The following COX7B2 variants were observed in gnomAD, a reference collection of about 807,000 sequenced individuals.
The protein encoded by COX7B2 is cytochrome c oxidase subunit 7B2, mitochondrial.
For missense variants in COX7B2, 109 were observed against 95.9 expected (o/e 1.14, Z -0.57); for synonymous variants, 37 against 32.1 (o/e 1.15, Z -0.51).
At chr4:46,866,178 G>A (rs1306624556) in intron 1 of COX7B2, among the ~76,000 whole-genome samples, 1 of 152,196 alleles carries the variant, frequency 6.6e-6, no homozygotes, top group Non-Finnish European at 1.5e-5. Flanking sequence ...GCCAATACAT[G>A]CAAAGAAAAA....
intron 2 of COX7B2, among the ~76,000 whole-genome samples, chr4:46,836,682 T>C (rs1398125165): frequency 6.6e-6 from 1 of 152,114 alleles, no homozygotes; most frequent in African/African-American, 2.4e-5. Context: ...TATTTGGTAT[T>C]AAGTATAATG....
At chr4:46,780,009 C>T (rs1577695835) in intron 2 of COX7B2, among the ~76,000 whole-genome samples, 1 of 152,086 alleles carries the variant, frequency 6.6e-6, no homozygotes, top group African/African-American at 2.4e-5. Flanking sequence ...ATTTGTGTGA[C>T]TGTGGTAATA....
At chr4:46,790,860 T>G (rs1049481725) in intron 2 of COX7B2, among the ~76,000 whole-genome samples, 1 of 152,316 alleles carries the variant, frequency 6.6e-6, no homozygotes, top group South Asian at 2.1e-4. Context: ...AAACCCTAGG[T>G]TTATTACCAC....
chr4:46,895,809 T>C (rs1719727523), intron 1 of COX7B2, among the ~76,000 whole-genome samples: 2 of 152,160 alleles, frequency 1.3e-5, no homozygotes, highest in African/African-American at 2.4e-5. Context: ...CACCAAATCC[T>C]GATCTCCCTA....
At chr4:46,789,802 A>G (rs1414799235) in intron 2 of COX7B2, among the ~76,000 whole-genome samples, 1 of 152,100 alleles carries the variant, frequency 6.6e-6, no homozygotes, top group African/African-American at 2.4e-5. Context: ...TCAAAGGTAT[A>G]CTCTTTGGGG....
chr4:46,853,136 T>C (rs1716796173), intron 1 of COX7B2, among the ~76,000 whole-genome samples: 2 of 152,176 alleles, frequency 1.3e-5, no homozygotes, highest in Non-Finnish European at 2.9e-5. Context: ...CAGAGGCTCA[T>C]GGGAACCTAA....
intron 1 of COX7B2, among the ~76,000 whole-genome samples, chr4:46,872,069 T>A (rs1718027885): frequency 6.6e-6 from 1 of 152,036 alleles, no homozygotes; most frequent in Non-Finnish European, 1.5e-5. Flanking sequence ...ATGGAATCAA[T>A]CTAAATGGCC....
chr4:46,807,199 A>G (rs527644755), intron 2 of COX7B2, among the ~76,000 whole-genome samples: 2 of 151,978 alleles, frequency 1.3e-5, no homozygotes, highest in South Asian at 4.2e-4. Flanking sequence ...TTTTTTTATA[A>G]TAGCCATCCT....
intron 1 of COX7B2, among the ~76,000 whole-genome samples, chr4:46,869,661 T>G (rs1432634843): frequency 6.6e-6 from 1 of 152,152 alleles, no homozygotes; most frequent in African/African-American, 2.4e-5. Flanking sequence ...AATTCCTAGT[T>G]GAAGATTTTT....
At chr4:46,819,996 C>T (rs2109689956) in intron 2 of COX7B2, among the ~76,000 whole-genome samples, 1 of 152,304 alleles carries the variant, frequency 6.6e-6, no homozygotes, top group East Asian at 1.9e-4. Context: ...CATATGACCC[C>T]CAACATTTTT....
At chr4:46,784,073 T>C (rs1383044817) in intron 2 of COX7B2, among the ~76,000 whole-genome samples, 1 of 152,164 alleles carries the variant, frequency 6.6e-6, no homozygotes, top group East Asian at 1.9e-4. Context: ...TTCCAAATCA[T>C]AGCCAGACAT....
chr4:46,753,778 C>T (rs1715564127), intron 2 of COX7B2, among the ~76,000 whole-genome samples: 1 of 151,950 alleles, frequency 6.6e-6, no homozygotes, highest in Non-Finnish European at 1.5e-5. Flanking sequence ...GAACAGGCAA[C>T]CTACAGAATG....
At chr4:46,737,149 T>A (rs990478484) in intron 2 of COX7B2, among the ~76,000 whole-genome samples, 1 of 152,146 alleles carries the variant, frequency 6.6e-6, no homozygotes, top group Admixed American at 6.6e-5. Context: ...GCCATTCTAA[T>A]CGGTAAATAG....
chr4:46,902,953 T>C (rs896539185), intron 1 of COX7B2, among the ~76,000 whole-genome samples: 2 of 152,134 alleles, frequency 1.3e-5, no homozygotes, highest in Non-Finnish European at 2.9e-5. Context: ...TGATTTCTAA[T>C]TCTGTGTCTT....
chr4:46,892,025 C>A (rs1719459830), intron 1 of COX7B2, among the ~76,000 whole-genome samples: 1 of 152,068 alleles, frequency 6.6e-6, no homozygotes, highest in South Asian at 2.1e-4. Flanking sequence ...AGAGACCATC[C>A]TAAGGACTCT....
intron 2 of COX7B2, among the ~76,000 whole-genome samples, chr4:46,798,690 T>G (rs1011347786): frequency 1.3e-5 from 2 of 152,186 alleles, no homozygotes; most frequent in African/African-American, 4.8e-5. Flanking sequence ...CCATGCGACC[T>G]GAGTTGCCCT....
intron 2 of COX7B2, among the ~76,000 whole-genome samples, chr4:46,778,701 A>G (rs1340736216): frequency 6.6e-6 from 1 of 152,184 alleles, no homozygotes; most frequent in African/African-American, 2.4e-5. Flanking sequence ...TCAGCTGATG[A>G]TCCACTGAAT....
At chr4:46,831,302 G>T (rs1715076070) in intron 2 of COX7B2, among the ~76,000 whole-genome samples, 1 of 152,126 alleles carries the variant, frequency 6.6e-6, no homozygotes, top group African/African-American at 2.4e-5. Flanking sequence ...CCTGCAGCCT[G>T]CCATGCCTGA....
chr4:46,842,485 T>G (rs1383709342), intron 2 of COX7B2, among the ~76,000 whole-genome samples: 1 of 152,088 alleles, frequency 6.6e-6, no homozygotes, highest in Non-Finnish European at 1.5e-5. Context: ...TGTGCCATGC[T>G]GATGTGCTGC....
Sources: allele counts gnomAD v4.1 joint callset (sites outside exome capture counted in the v4.1 genomes callset), GRCh38; gene constraint gnomAD v4.1.1; transcripts MANE v1.5; gene names NCBI Gene and HGNC (gene_info 2026-07-23, HGNC 2026-07-21).